SMG6: variants seen among roughly 807,000 people sequenced by gnomAD.
SMG6 encodes the protein telomerase-binding protein EST1A.
In SMG6, 66 loss-of-function variants were observed where a neutral mutation model predicts 142.2. The ratio of observed to expected loss-of-function variants is 0.46; its 90% CI spans 0.38 to 0.57. The LOEUF (loss-of-function observed/expected upper bound fraction) is 0.57. Among genes scored for constraint, SMG6 ranks in the 20% least tolerant of loss-of-function variants. The pLI is 0.00. For synonymous variants in SMG6, 779 were observed against 702.4 expected (o/e 1.11, Z -1.72); for missense variants, 1,793 against 1,832.0 (o/e 0.98, Z 0.39).
intron 8 of SMG6, among the ~76,000 whole-genome samples, chr17:2,256,849 GAA>G (rs1384111405): frequency 2.0e-5 from 3 of 152,184 alleles, no homozygotes; most frequent in Admixed American, 1.3e-4. Context: ...AAACTCGTGA[GAA>G]AAAGAGATGA....
In SMG6 at chr17:2,184,587, G is replaced by A. The variant is rs972245980; in HGVS notation, c.3155+2076C>T. On this transcript the variant is annotated intron_variant, in intron 12 of 18. Coordinates refer to ENST00000263073, the MANE Select transcript of SMG6 (RefSeq NM_017575.5). Reference sequence around the variant, plus strand: ...CAGGAGAACTGCTTGAACATGGGAGGCTGAGGATGCAGTGAGCTGAGGTCG... The same window carrying A: ...CAGGAGAACTGCTTGAACATGGGAGACTGAGGATGCAGTGAGCTGAGGTCG... Among the ~76,000 whole-genome samples, 5 of 147,182 alleles carry A rather than the reference G, an allele frequency of 3.4e-5. No individual in the cohort carries two copies. In the Admixed American group the frequency reaches 3.4e-4, roughly 10 times the overall value.
At chr17:2,274,570 T>G (rs557900720) in intron 8 of SMG6, among the ~76,000 whole-genome samples, 19 of 152,174 alleles carry the variant, frequency 1.2e-4, no homozygotes, top group Non-Finnish European at 2.6e-4. Flanking sequence ...CGTATTACAT[T>G]CTATTTGGAT....
At chr17:2,294,086 A>T (rs1207873662) in intron 4 of SMG6, among the ~76,000 whole-genome samples, 1 of 152,210 alleles carries the variant, frequency 6.6e-6, no homozygotes, top group Non-Finnish European at 1.5e-5. Context: ...TAAAGAACAA[A>T]GCTTCATTGA....
intron 13 of SMG6, among the ~76,000 whole-genome samples, chr17:2,135,998 G>GTA (rs940614428): frequency 2.2e-4 from 4 of 18,498 alleles, no homozygotes; most frequent in Non-Finnish European, 5.4e-4. Flanking sequence ...ATATATTTAT[G>GTA]TGTGTGTGTG....
At chr17:2,197,669 A>G (rs573474178) in intron 10 of SMG6, among the ~76,000 whole-genome samples, 2 of 152,332 alleles carry the variant, frequency 1.3e-5, no homozygotes, top group South Asian at 4.1e-4. Context: ...GGCAAAAAAA[A>G]AGACAAACCA....
intron 13 of SMG6, among the ~76,000 whole-genome samples, chr17:2,141,120 G>A (rs994512768): frequency 6.6e-6 from 1 of 152,188 alleles, no homozygotes; most frequent in Non-Finnish European, 1.5e-5. Context: ...TTTTTCGGTT[G>A]CACTAGCCAC....
intron 8 of SMG6, chr17:2,280,501 G>T (rs1156797868): frequency 1.1e-5 from 7 of 656,554 alleles, no homozygotes; most frequent in African/African-American, 2.0e-5. Context: ...CTGACCTTGT[G>T]ATCTGCTCGC....
chr17:2,216,604 G>C (rs914462248), intron 10 of SMG6, among the ~76,000 whole-genome samples: 1 of 152,040 alleles, frequency 6.6e-6, no homozygotes, highest in African/African-American at 2.4e-5. Context: ...TACATTTTCA[G>C]ACCTTAGAAA....
rs778009423 is a variant in SMG6 at position 2,256,207 on chromosome 17, G to GA, written c.2662-11489dup. 4.0e-4 allele frequency: 57 copies of GA among 141,282 alleles called. 1 individual carries two copies. Among genetic ancestry groups the GA allele is most frequent in the South Asian group, 6.7e-4 (3 of 4,470 alleles). 8.8% of individuals were successfully genotyped at this position (141,282 alleles called of 1,614,324 possible). A position where few individuals can be genotyped will look rare whatever the true frequency, so the allele number is the denominator to read the frequency against. ...AAATAAATAAATAAATAAATAAGAAGAAAAAAAAAAAAGAAAACTTAGGGT... is the reference window on the plus strand; with the variant it reads ...AAATAAATAAATAAATAAATAAGAAGAAAAAAAAAAAAAGAAAACTTAGGGT... On this transcript the variant is annotated intron_variant, in intron 8 of 18. Transcript: ENST00000263073.
intron 6 of SMG6, among the ~76,000 whole-genome samples, chr17:2,284,062 A>G (rs1213149555): frequency 2.0e-5 from 3 of 152,238 alleles, no homozygotes; most frequent in Non-Finnish European, 4.4e-5. Context: ...TTCACTTTAT[A>G]TTTCCTGTTC....
At chr17:2,168,210 TTGAG>T (rs1273357909) in intron 13 of SMG6, among the ~76,000 whole-genome samples, 2 of 152,072 alleles carry the variant, frequency 1.3e-5, no homozygotes, top group Non-Finnish European at 2.9e-5. Flanking sequence ...TATTTATTTT[TTGAG>T]ACAGAGTCTC....
intron 13 of SMG6, among the ~76,000 whole-genome samples, chr17:2,140,758 A>T (rs1485810371): frequency 6.6e-6 from 1 of 152,110 alleles, no homozygotes; most frequent in African/African-American, 2.4e-5. Flanking sequence ...GTAGTATTCA[A>T]TTAAAAAAAA....
At chr17:2,239,589 T>C (rs984027449) in intron 9 of SMG6, among the ~76,000 whole-genome samples, 2 of 152,080 alleles carry the variant, frequency 1.3e-5, no homozygotes, top group African/African-American at 2.4e-5. Context: ...ATGTGATATG[T>C]AGGAAAAAAA....
chr17:2,207,119 A>AAAC (rs2072708735), intron 10 of SMG6, among the ~76,000 whole-genome samples: 1 of 68,368 alleles, frequency 1.5e-5, no homozygotes, highest in African/African-American at 5.5e-5. Context: ...TAAAAATCCA[A>AAAC]AAAAAAAAAA....
chr17:2,080,084 CAAAACAAAACA>C (rs1244143370), intron 15 of SMG6, among the ~76,000 whole-genome samples: 12 of 32,934 alleles, frequency 3.6e-4, no homozygotes, highest in Non-Finnish European at 5.3e-4. Flanking sequence ...CAAAACAAAA[CAAAACAAAACA>C]AAACAAAACA....
At chr17:2,241,140 G>A (rs6503356) in intron 9 of SMG6, among the ~76,000 whole-genome samples, 147,931 of 152,318 alleles carry the variant, frequency 0.97, 71,890 homozygotes, top group East Asian at 1. Context: ...GAAAACTACC[G>A]TAAGTCATTT....
chr17:2,221,907 TA>T (rs1488910147), intron 10 of SMG6, among the ~76,000 whole-genome samples: 8 of 152,334 alleles, frequency 5.3e-5, no homozygotes, highest in Non-Finnish European at 1.0e-4. Context: ...CTAATTTTTG[TA>T]TTTTTTAGTA....
At chr17:2,273,585 A>C (rs2074586021) in intron 8 of SMG6, among the ~76,000 whole-genome samples, 1 of 152,156 alleles carries the variant, frequency 6.6e-6, no homozygotes, top group Admixed American at 6.6e-5. Flanking sequence ...GCGAGCAGAG[A>C]TTGTGCCATT....
At chr17:2,175,560 C>T (rs930832375) in intron 12 of SMG6, among the ~76,000 whole-genome samples, 1 of 151,668 alleles carries the variant, frequency 6.6e-6, no homozygotes, top group African/African-American at 2.4e-5. Context: ...AGACTGCTGG[C>T]CACCACTAGG....
Sources: allele counts gnomAD v4.1 joint callset (sites outside exome capture counted in the v4.1 genomes callset), GRCh38; gene constraint gnomAD v4.1.1; transcripts MANE v1.5; gene names NCBI Gene and HGNC (gene_info 2026-07-23, HGNC 2026-07-21).